The following DACH2 variants were observed in gnomAD, a reference collection of about 807,000 sequenced individuals.
The protein encoded by DACH2 is dachshund family transcription factor 2.
Under a neutral mutation model 35.8 loss-of-function variants are expected in DACH2, and 17 were observed. The observed-to-expected ratio is 0.48, with a 90% CI of 0.33 to 0.71. DACH2 has a LOEUF of 0.71. Ranked by LOEUF, DACH2 falls within the 30% of genes least tolerant of loss-of-function variation. The probability of loss-of-function intolerance (pLI) is 0.02; values close to 1 mark genes in which losing one functional copy is unlikely to be tolerated. For synonymous variants in DACH2, 195 were observed against 177.3 expected (o/e 1.10, Z -0.79); for missense variants, 469 against 472.7 (o/e 0.99, Z 0.07).
chrX:86,723,334 A>ATTT (rs60142099), intron 6 of DACH2, among the ~76,000 whole-genome samples: 1,091 of 96,327 alleles, frequency 0.011, 19 homozygotes, highest in African/African-American at 0.035. Flanking sequence ...CCTTCTGCTA[A>ATTT]TTTTTTTTTT....
At chrX:86,752,822 T>C (rs181249876) in intron 7 of DACH2, among the ~76,000 whole-genome samples, 13 of 111,694 alleles carry the variant, frequency 1.2e-4, no homozygotes, top group Non-Finnish European at 2.3e-4. Context: ...TATTTGTACA[T>C]TTGTATTCAA....
intron 2 of DACH2, among the ~76,000 whole-genome samples, chrX:86,380,204 G>A (rs1416868766): frequency 9.1e-6 from 1 of 110,340 alleles, no homozygotes; most frequent in Non-Finnish European, 1.9e-5. Flanking sequence ...AACTCTATAA[G>A]ATAGGTGCTG....
chrX:86,640,176 G>A (rs1320952082), intron 3 of DACH2, among the ~76,000 whole-genome samples: 2 of 110,874 alleles, frequency 1.8e-5, no homozygotes, highest in African/African-American at 6.6e-5. Flanking sequence ...CCTCCAGCCT[G>A]TGCTTCCAGC....
intron 2 of DACH2, among the ~76,000 whole-genome samples, chrX:86,445,543 A>G (rs1436143602): frequency 1.2e-5 from 1 of 84,418 alleles, no homozygotes; most frequent in Non-Finnish European, 2.2e-5. Context: ...GAAAAAAAAA[A>G]AAGAAACTAC....
At chrX:86,688,058 A>C (rs2040968610) in intron 4 of DACH2, among the ~76,000 whole-genome samples, 1 of 111,596 alleles carries the variant, frequency 9.0e-6, no homozygotes, top group Non-Finnish European at 1.9e-5. Context: ...AAAGAAAGAA[A>C]GAAGATAATG....
chrX:86,205,423 TTCCCTCCCTCC>T lies in DACH2; in HGVS notation c.488+56327_488+56337del, dbSNP rs1388305050. Among the ~76,000 whole-genome samples, 284 of 56,877 alleles carry T rather than the reference TTCCCTCCCTCC, an allele frequency of 5.0e-3. 3 individuals are homozygous for T. Among genetic ancestry groups the T allele is most frequent in the Non-Finnish European group, 8.0e-3 (241 of 30,274 alleles). 49.4% of individuals were successfully genotyped at this position (56,877 alleles called of 115,157 possible). A position where few individuals can be genotyped will look rare whatever the true frequency, so the allele number is the denominator to read the frequency against. ...CTCCCTCCCTCCTTTCCTTCCTTCC[TTCCCTCCCTCC>T]TCCCTCCCTCCCTCCCTCCCTCCCT... On this transcript the variant is annotated intron_variant, in intron 1 of 11. Transcript: ENST00000373125.
intron 1 of DACH2, among the ~76,000 whole-genome samples, chrX:86,287,309 A>G (rs1207936302): frequency 2.7e-5 from 3 of 111,291 alleles, no homozygotes; most frequent in Non-Finnish European, 3.8e-5. Context: ...TGCTTTTACT[A>G]TCTTTTCTTT....
chrX:86,541,047 G>A (rs1379221435), intron 3 of DACH2, among the ~76,000 whole-genome samples: 1 of 111,529 alleles, frequency 9.0e-6, no homozygotes, highest in Non-Finnish European at 1.9e-5. Context: ...ACAAAAATGT[G>A]GGTTCTAATA....
chrX:86,498,694 C>A (rs1014021344), intron 2 of DACH2, among the ~76,000 whole-genome samples: 1 of 112,018 alleles, frequency 8.9e-6, no homozygotes, highest in African/African-American at 3.2e-5. Flanking sequence ...TCCTACCTGG[C>A]TTATAGTTAT....
intron 2 of DACH2, among the ~76,000 whole-genome samples, chrX:86,455,538 C>T (rs747296618): frequency 8.9e-6 from 1 of 112,214 alleles, no homozygotes; most frequent in East Asian, 2.8e-4. Flanking sequence ...AGATTGGGGT[C>T]CCATTTAAAG....
chrX:86,796,383 C>T (rs1442553430), intron 7 of DACH2, among the ~76,000 whole-genome samples: 1 of 111,746 alleles, frequency 8.9e-6, no homozygotes, highest in East Asian at 2.8e-4. Flanking sequence ...CAGAAAAGTT[C>T]TCCAAGTCCC....
chrX:86,348,463 G>A (rs1337076516), intron 1 of DACH2, among the ~76,000 whole-genome samples: 1 of 111,293 alleles, frequency 9.0e-6, no homozygotes, highest in Non-Finnish European at 1.9e-5. Context: ...TAGTCATATG[G>A]GGTGAAAAAG....
intron 3 of DACH2, among the ~76,000 whole-genome samples, chrX:86,643,465 G>T (rs147577736): frequency 0.055 from 5,987 of 108,938 alleles, 159 homozygotes; most frequent in East Asian, 0.14. Flanking sequence ...AATTGAATCA[G>T]TAATAAGCCT....
intron 5 of DACH2, among the ~76,000 whole-genome samples, chrX:86,708,306 A>T (rs1286376904): frequency 9.0e-6 from 1 of 110,798 alleles, no homozygotes; most frequent in Non-Finnish European, 1.9e-5. Flanking sequence ...ATGACAAGAA[A>T]AATGAAATAA....
chrX:86,820,126 T>A (rs2042495472), intron 11 of DACH2, among the ~76,000 whole-genome samples: 1 of 111,763 alleles, frequency 8.9e-6, no homozygotes, highest in Admixed American at 9.5e-5. Context: ...GATAACGTCA[T>A]AAAGTACAAG....
chrX:86,623,636 C>T (rs2040094233), intron 3 of DACH2, among the ~76,000 whole-genome samples: 1 of 111,901 alleles, frequency 8.9e-6, no homozygotes, highest in African/African-American at 3.2e-5. Flanking sequence ...AGATACTCCT[C>T]TTTACAAGAA....
intron 2 of DACH2, among the ~76,000 whole-genome samples, chrX:86,390,945 C>T (rs540434602): frequency 1.8e-5 from 2 of 110,011 alleles, no homozygotes; most frequent in African/African-American, 6.6e-5. Flanking sequence ...GTTTTATTGT[C>T]AGTTTATGAA....
rs770238988 is a variant in DACH2 at position 86,295,097 on chromosome X, A to C, written c.489-81727A>C. On this transcript the variant is annotated intron_variant, in intron 1 of 11. Transcript: ENST00000373125. ...GACTCCGTGGGCGTAGGACCCTCCG[A>C]GCCAGTTGTGGGATATAATCTGATG... 1.1e-4 allele frequency among the ~76,000 whole-genome samples: 12 copies of C among 112,350 alleles called. No individual in the cohort carries two copies. In the Admixed American group the frequency reaches 1.1e-3, roughly 11 times the overall value.
At chrX:86,812,828 C>A (rs761076036) in intron 7 of DACH2, 28 bp from the exon 8 acceptor site, 9 of 1,144,366 alleles carry the variant, frequency 7.9e-6, no homozygotes, top group East Asian at 6.2e-5. Context: ...AATCTGTGAA[C>A]CTTCTGATAC....
Sources: gnomAD v4.1 joint callset for allele counts (sites outside exome capture counted in the v4.1 genomes callset) on GRCh38, gnomAD v4.1.1 for gene constraint, MANE v1.5 for transcripts, NCBI Gene and HGNC (gene_info 2026-07-23, HGNC 2026-07-21) for gene names.